MID1: variants seen among roughly 807,000 people sequenced by gnomAD.
The protein encoded by MID1 is midline 1.
A neutral mutation model predicts 40.4 loss-of-function variants in MID1; 7 were observed. The observed-to-expected ratio is 0.17, with a 90% confidence interval of 0.10 to 0.33. The LOEUF is 0.33. Ranked by LOEUF, MID1 falls within the 10% of genes least tolerant of loss-of-function variation. The pLI, the probability that MID1 is intolerant of heterozygous loss-of-function variation, is 1.00. For missense variants in MID1, 367 were observed against 558.5 expected (o/e 0.66, Z 3.46); for synonymous variants, 229 against 221.2 (o/e 1.04, Z -0.31).
intron 1 of MID1, among the ~76,000 whole-genome samples, chrX:10,714,290 C>T (rs1191127258): frequency 1.8e-5 from 2 of 112,618 alleles, no homozygotes; most frequent in East Asian, 5.6e-4. Context: ...ATTAGCATGC[C>T]AGCAGCCCAG....
chrX:10,778,364 T>A (rs974071301), intron 1 of MID1, among the ~76,000 whole-genome samples: 2 of 111,155 alleles, frequency 1.8e-5, no homozygotes, highest in African/African-American at 6.6e-5. Flanking sequence ...ATATGGTGCA[T>A]GACCGTATAT....
intron 1 of MID1, among the ~76,000 whole-genome samples, chrX:10,749,806 A>G (rs1473718397): frequency 1.8e-5 from 2 of 111,620 alleles, no homozygotes; most frequent in African/African-American, 6.5e-5. Context: ...AGAAGTCACT[A>G]TCACAAGGAC....
intron 4 of MID1, among the ~76,000 whole-genome samples, chrX:10,489,743 C>A (rs1212418793): frequency 3.8e-5 from 4 of 105,236 alleles, no homozygotes; most frequent in African/African-American, 1.4e-4. Context: ...TCGCCCGGGC[C>A]GGAGTGCAGT....
At chrX:10,748,124 C>G (rs2043572385) in intron 1 of MID1, among the ~76,000 whole-genome samples, 1 of 110,998 alleles carries the variant, frequency 9.0e-6, no homozygotes, top group Non-Finnish European at 1.9e-5. Flanking sequence ...TTGTTGACAA[C>G]TGGCTCCAGC....
At chrX:10,754,299 G>GTTTTTTTTTTTTTTTT (rs1268373586) in intron 1 of MID1, among the ~76,000 whole-genome samples, 7 of 102,182 alleles carry the variant, frequency 6.9e-5, no homozygotes, top group African/African-American at 3.0e-4. Flanking sequence ...AGACAAGAGA[G>GTTTTTTTTTTTTTTTT]TTTTTTTTTG....
intron 3 of MID1, among the ~76,000 whole-genome samples, chrX:10,506,903 G>A (rs1249989464): frequency 8.9e-6 from 1 of 111,823 alleles, no homozygotes; most frequent in Non-Finnish European, 1.9e-5. Flanking sequence ...CTGTAAGTGG[G>A]TCTAAGTTTG....
rs191576221 is a variant in MID1, at chrX:10,816,814, A to C, written c.-187+16740T>G. Among the ~76,000 whole-genome samples, 441 of 112,145 alleles carry C rather than the reference A, an allele frequency of 3.9e-3. 3 individuals are homozygous for C. The highest frequency in any genetic ancestry group is 0.014 in the African/African-American group (431 of 30,872). On this transcript the variant is annotated intron_variant, in intron 1 of 10. Transcript: ENST00000380785. ...TACCTATAAAATGGAACTTGAGAGC[A>C]TGTTTGGGGAGGTTCGTGGGTGAAC... is the stretch of plus-strand genomic sequence containing the variant.
chrX:10,473,461 C>T (rs372388467), intron 6 of MID1, among the ~76,000 whole-genome samples: 38 of 112,198 alleles, frequency 3.4e-4, no homozygotes, highest in African/African-American at 1.0e-3. Context: ...AGGCTAAAAA[C>T]GGCACATTGG....
chrX:10,685,522 A>C (rs1304687308), intron 1 of MID1, among the ~76,000 whole-genome samples: 1 of 111,889 alleles, frequency 8.9e-6, no homozygotes, highest in Non-Finnish European at 1.9e-5. Flanking sequence ...TGTAGGTCAT[A>C]ACACCCCCAT....
chrX:10,571,879 C>T (rs1179553623), intron 1 of MID1, among the ~76,000 whole-genome samples: 4 of 108,490 alleles, frequency 3.7e-5, no homozygotes, highest in Non-Finnish European at 7.6e-5. Flanking sequence ...ACAGAGTGAG[C>T]CCATATCGAG....
At chrX:10,669,649 C>T (rs1045070786) in intron 1 of MID1, among the ~76,000 whole-genome samples, 3 of 111,906 alleles carry the variant, frequency 2.7e-5, no homozygotes, top group Non-Finnish European at 5.6e-5. Context: ...TAAGCCTGAA[C>T]AGATGTCACC....
chrX:10,603,313 T>C (rs781255846), intron 1 of MID1, among the ~76,000 whole-genome samples: 1 of 112,245 alleles, frequency 8.9e-6, no homozygotes, highest in South Asian at 3.7e-4. Context: ...TTTCTTAGTA[T>C]CTAGCTAGAT....
intron 1 of MID1, among the ~76,000 whole-genome samples, chrX:10,741,036 T>C (rs1220417626): frequency 1.8e-5 from 2 of 112,010 alleles, no homozygotes; most frequent in Non-Finnish European, 3.8e-5. Flanking sequence ...TAGCTTGGCT[T>C]GCAGGAAATG....
Position 10,459,734 on chromosome X carries a change from C to A in MID1, c.1359G>T (p.Leu453=), listed in dbSNP as rs184140110. The A allele has an allele frequency of 8.3e-7, 1 of 1,210,499 alleles. No homozygotes were observed. The highest frequency in any genetic ancestry group is 2.2e-5 in the Admixed American group (1 of 46,092). ...IKQNHYTVHG[L]QSGTKYIFMV... ...TGAAGATGTACTTGGTGCCGCTCTG[C>A]AGACCGTGCACCGTGTAGTGGTTCT... The change falls in exon 8 of 10, where the codon CTG becomes CTT. Residue 453 remains leucine (L), a synonymous_variant. Transcript: ENST00000317552.
chrX:10,528,193 A>G (rs948340164), intron 2 of MID1, among the ~76,000 whole-genome samples: 4 of 111,476 alleles, frequency 3.6e-5, no homozygotes, highest in African/African-American at 1.3e-4. Context: ...TGTGAGTCAC[A>G]TTTCAAATTT....
At chrX:10,798,512 T>A (rs751485875) in intron 1 of MID1, among the ~76,000 whole-genome samples, 1 of 112,065 alleles carries the variant, frequency 8.9e-6, no homozygotes, top group African/African-American at 3.2e-5. Context: ...AGCACTTTGA[T>A]CTCTCACCCC....
chrX:10,456,076 G>C (rs765724913), intron 8 of MID1, among the ~76,000 whole-genome samples: 1 of 112,347 alleles, frequency 8.9e-6, no homozygotes, highest in Non-Finnish European at 1.9e-5. Context: ...GCAGTTGGCA[G>C]GTTCCTTCTG....
chrX:10,530,503 G>T (rs138660686), intron 2 of MID1, among the ~76,000 whole-genome samples: 1,777 of 112,559 alleles, frequency 0.016, 25 homozygotes, highest in South Asian at 0.037. Context: ...CTTAAAGAAT[G>T]AGGCTTCCTT....
intron 1 of MID1, among the ~76,000 whole-genome samples, chrX:10,585,190 C>T (rs942933196): frequency 1.8e-5 from 2 of 111,266 alleles, no homozygotes; most frequent in African/African-American, 3.3e-5. Flanking sequence ...GGTTGCTAGG[C>T]GCCGGGCTAC....
Sources: gnomAD v4.1 joint callset for allele counts (sites outside exome capture counted in the v4.1 genomes callset) on GRCh38, gnomAD v4.1.1 for gene constraint, MANE v1.5 for transcripts, NCBI Gene and HGNC (gene_info 2026-07-23, HGNC 2026-07-21) for gene names.